Variants in WDPCP observed in about 807,000 individuals in gnomAD.
WDPCP encodes the protein WD repeat containing planar cell polarity effector.
Under a neutral mutation model 93.1 loss-of-function variants are expected in WDPCP, and 71 were observed. That is an observed-to-expected ratio of 0.76 (90% confidence interval 0.63 to 0.93). WDPCP has a LOEUF of 0.93. WDPCP is among the 40% of genes least tolerant of loss of function. The pLI, the probability that WDPCP is intolerant of heterozygous loss-of-function variation, is 0.00. For synonymous variants in WDPCP, 315 were observed against 315.0 expected (o/e 1.00, Z 0.00); for missense variants, 844 against 887.4 (o/e 0.95, Z 0.62).
In WDPCP at chr2:63,490,201, T is replaced by G. The variant is rs187112818; in HGVS notation, c.160+2655A>C. Among the ~76,000 whole-genome samples, 40 of 152,166 alleles carry G rather than the reference T, an allele frequency of 2.6e-4. No individual in the cohort carries two copies. In the East Asian group the frequency reaches 7.7e-3, roughly 29 times the overall value. ...ATATGTTACTGTGAACAAAAATCCT[T>G]TTCCTAAAAAAAGAACAATGATGGG... is the stretch of plus-strand genomic sequence containing the variant. On this transcript the variant is annotated intron_variant, in intron 2 of 17. Coordinates refer to ENST00000272321, the MANE Select transcript of WDPCP (RefSeq NM_015910.7).
chr2:63,231,749 T>C (rs1678907260), intron 14 of WDPCP, among the ~76,000 whole-genome samples: 1 of 152,144 alleles, frequency 6.6e-6, no homozygotes, highest in Non-Finnish European at 1.5e-5. Flanking sequence ...AAAATGGCCA[T>C]ACTGCCCAAG....
At chr2:63,622,059 C>CTTTTTTCTTTTTTTTTTT in intron 3 of WDPCP, 2 of 543,850 alleles carry the variant, frequency 3.7e-6, no homozygotes, top group African/African-American at 3.2e-5. Context: ...AACATTCTTT[C>CTTTTTTCTTTTTTTTTTT]TTTTTTCTTT....
At chr2:63,300,015 T>G (rs1182334057) in intron 13 of WDPCP, among the ~76,000 whole-genome samples, 1 of 152,082 alleles carries the variant, frequency 6.6e-6, no homozygotes, top group South Asian at 2.1e-4. Context: ...TGGAAAGCCC[T>G]GGGACAACTA....
At chr2:63,325,041 G>C (rs972327168) in intron 12 of WDPCP, among the ~76,000 whole-genome samples, 3 of 152,128 alleles carry the variant, frequency 2.0e-5, no homozygotes, top group African/African-American at 4.8e-5. Flanking sequence ...AGCTCCAAAA[G>C]CAAGCCCCAG....
intron 9 of WDPCP, among the ~76,000 whole-genome samples, chr2:63,416,330 G>T (rs1024406082): frequency 2.0e-5 from 3 of 151,668 alleles, no homozygotes; most frequent in Non-Finnish European, 1.5e-5. Flanking sequence ...CTCCCGAGTA[G>T]CTGCGATTAC....
At chr2:63,777,604 G>A (rs1490618148) in intron 2 of WDPCP, among the ~76,000 whole-genome samples, 2 of 152,120 alleles carry the variant, frequency 1.3e-5, no homozygotes, top group African/African-American at 2.4e-5. Context: ...ATAAACTGTT[G>A]ATACATGCAA....
At chr2:63,734,294 A>T (rs111682862) in intron 2 of WDPCP, among the ~76,000 whole-genome samples, 2,533 of 152,278 alleles carry the variant, frequency 0.017, 22 homozygotes, top group African/African-American at 0.017. Flanking sequence ...AATTTGTATA[A>T]AAATTGGCAA....
At chr2:63,498,410 A>G (rs1024538077) in intron 1 of WDPCP, among the ~76,000 whole-genome samples, 2 of 152,186 alleles carry the variant, frequency 1.3e-5, no homozygotes, top group Non-Finnish European at 2.9e-5. Flanking sequence ...GAATTCTAGA[A>G]AGCCCCTTTT....
rs1280025232 is a variant in WDPCP at position 63,373,256 on chromosome 2, T to TTTG, written c.1748+5129_1748+5130insCAA. ...TTCTTTGTTTTCATTTTTTTGTTGT[T>TTTG]TTTTTTTTTCTTTTAAATGACATAC... On this transcript the variant is annotated intron_variant, in intron 12 of 17. Coordinates refer to ENST00000272321, the MANE Select transcript of WDPCP (RefSeq NM_015910.7). Among the ~76,000 whole-genome samples, 255 of 149,124 alleles carry TTTG rather than the reference T, an allele frequency of 1.7e-3. 4 individuals carry two copies. The highest frequency in any genetic ancestry group is 5.8e-3 in the African/African-American group (238 of 41,016).
At chr2:63,777,617 A>G (rs944856636) in intron 2 of WDPCP, among the ~76,000 whole-genome samples, 7 of 152,254 alleles carry the variant, frequency 4.6e-5, no homozygotes, top group Non-Finnish European at 1.0e-4. Context: ...ACATGCAACA[A>G]TATGAATGAA....
At chr2:63,210,970 G>T (rs1339558215) in intron 14 of WDPCP, among the ~76,000 whole-genome samples, 1 of 152,218 alleles carries the variant, frequency 6.6e-6, no homozygotes, top group African/African-American at 2.4e-5. Flanking sequence ...GCTCGAAATG[G>T]GTGGAGCCCA....
chr2:63,411,019 A>T (rs952417191), intron 9 of WDPCP, among the ~76,000 whole-genome samples: 26 of 152,190 alleles, frequency 1.7e-4, no homozygotes, highest in Admixed American at 1.2e-3. Context: ...AAATGGATTT[A>T]AACTATACCT....
chr2:63,497,954 A>C (rs892432735), intron 1 of WDPCP, among the ~76,000 whole-genome samples: 8 of 152,186 alleles, frequency 5.3e-5, no homozygotes, highest in African/African-American at 1.9e-4. Flanking sequence ...TAAGCTGAGC[A>C]ATGCTGCCCC....
At chr2:63,456,075 T>TTGGA (rs1302377353) in intron 6 of WDPCP, among the ~76,000 whole-genome samples, 1 of 152,040 alleles carries the variant, frequency 6.6e-6, no homozygotes, top group African/African-American at 2.4e-5. Flanking sequence ...TAAACAACCA[T>TTGGA]TGGATCAATA....
At chr2:63,690,983 G>A (rs1205420503) in intron 2 of WDPCP, among the ~76,000 whole-genome samples, 1 of 152,138 alleles carries the variant, frequency 6.6e-6, no homozygotes, top group Non-Finnish European at 1.5e-5. Flanking sequence ...AGTTGGGTAG[G>A]GAAATGTAAT....
At chr2:63,207,444 G>A (rs186689041) in intron 14 of WDPCP, among the ~76,000 whole-genome samples, 120 of 152,176 alleles carry the variant, frequency 7.9e-4, no homozygotes, top group African/African-American at 2.4e-3. Context: ...TACAGCCTGC[G>A]GAACTATGAG....
chr2:63,387,086 G>A (rs950420708), intron 10 of WDPCP, among the ~76,000 whole-genome samples: 1 of 151,990 alleles, frequency 6.6e-6, no homozygotes. Context: ...CATTCCTACT[G>A]AAACTATTCC....
intron 3 of WDPCP, among the ~76,000 whole-genome samples, chr2:63,609,890 G>A (rs1042649183): frequency 6.6e-6 from 1 of 152,086 alleles, no homozygotes; most frequent in Non-Finnish European, 1.5e-5. Context: ...AAAAGAAAAT[G>A]TTATATGAAG....
chr2:63,602,711 A>T (rs990550584), intron 3 of WDPCP, among the ~76,000 whole-genome samples: 2 of 152,046 alleles, frequency 1.3e-5, no homozygotes, highest in Admixed American at 1.3e-4. Context: ...TCTGTCCCTG[A>T]CATCATTTTT....
Sources: allele counts gnomAD v4.1 joint callset (sites outside exome capture counted in the v4.1 genomes callset), GRCh38; gene constraint gnomAD v4.1.1; transcripts MANE v1.5; gene names NCBI Gene and HGNC (gene_info 2026-07-23, HGNC 2026-07-21).